GRIP1: variants seen among roughly 807,000 people sequenced by gnomAD.
GRIP1 encodes glutamate receptor-interacting protein 1.
A neutral mutation model predicts 129.9 loss-of-function variants in GRIP1; 45 were observed. That is an observed-to-expected ratio of 0.35 (90% CI 0.27 to 0.44). The LOEUF is 0.44. Among genes scored for constraint, GRIP1 ranks in the 20% least tolerant of loss-of-function variants. The probability of loss-of-function intolerance (pLI) is 1.00; values close to 1 mark genes in which losing one functional copy is unlikely to be tolerated. For missense variants in GRIP1, 1,196 were observed against 1,396.8 expected, an observed-to-expected ratio of 0.86 and a Z score of 2.29; for synonymous variants, 530 against 520.8, an observed-to-expected ratio of 1.02 and a Z score of -0.24.
intron 2 of GRIP1, among the ~76,000 whole-genome samples, chr12:66,574,283 G>T (rs76694984): frequency 0.017 from 2,594 of 152,272 alleles, 69 homozygotes; most frequent in African/African-American, 0.059. Flanking sequence ...AATTATCCAG[G>T]TAATAAACAA....
intron 1 of GRIP1, among the ~76,000 whole-genome samples, chr12:66,940,207 A>G (rs1385792856): frequency 6.6e-6 from 1 of 152,148 alleles, no homozygotes; most frequent in Non-Finnish European, 1.5e-5. Flanking sequence ...GGTCATTCAA[A>G]TAACAGAAAT....
At chr12:66,857,897 A>C (rs1454558764) in intron 1 of GRIP1, among the ~76,000 whole-genome samples, 2 of 152,016 alleles carry the variant, frequency 1.3e-5, no homozygotes, top group Non-Finnish European at 1.5e-5. Context: ...GAGATGATGG[A>C]GTGTCTGAAA....
intron 1 of GRIP1, among the ~76,000 whole-genome samples, chr12:66,738,211 CTTTTTCTTTTT>C (rs1337586351): frequency 4.7e-5 from 7 of 150,068 alleles, no homozygotes; most frequent in East Asian, 1.9e-4. Context: ...ATAGATTTCT[CTTTTTCTTTTT>C]TTTTTCTTTT....
intron 1 of GRIP1, among the ~76,000 whole-genome samples, chr12:66,676,021 T>A (rs563070305): frequency 6.6e-6 from 1 of 152,206 alleles, no homozygotes; most frequent in African/African-American, 2.4e-5. Flanking sequence ...TGTGGATCAG[T>A]GTCTATGTGG....
At chr12:66,818,916 GTTA>G (rs1268382075) in intron 1 of GRIP1, among the ~76,000 whole-genome samples, 1 of 152,144 alleles carries the variant, frequency 6.6e-6, no homozygotes, top group Non-Finnish European at 1.5e-5. Flanking sequence ...TTGGTTTACT[GTTA>G]TTTTCTGCAA....
At chr12:66,767,990 C>T (rs2037699654) in intron 1 of GRIP1, among the ~76,000 whole-genome samples, 1 of 152,168 alleles carries the variant, frequency 6.6e-6, no homozygotes, top group African/African-American at 2.4e-5. Context: ...GTATATGCTG[C>T]AGGCTTATGA....
chr12:66,531,205 C>A (rs1344431622), intron 4 of GRIP1, among the ~76,000 whole-genome samples: 1 of 142,500 alleles, frequency 7.0e-6, no homozygotes, highest in African/African-American at 2.6e-5. Context: ...CACTGCACTC[C>A]AGCCTGGGTG....
At chr12:66,626,509 C>T (rs537141895) in intron 1 of GRIP1, 2 of 152,152 alleles carry the variant, frequency 1.3e-5, no homozygotes, top group South Asian at 2.1e-4. Flanking sequence ...ACTGAGGAAA[C>T]ATTTCTTAAA....
intron 7 of GRIP1, among the ~76,000 whole-genome samples, chr12:66,477,949 A>T (rs1308991811): frequency 6.7e-6 from 1 of 150,334 alleles, no homozygotes; most frequent in African/African-American, 2.5e-5. Flanking sequence ...AGGCAATACC[A>T]TTCAAGACAT....
At chr12:66,514,337 C>T (rs1296298491) in intron 7 of GRIP1, among the ~76,000 whole-genome samples, 3 of 152,114 alleles carry the variant, frequency 2.0e-5, no homozygotes, top group African/African-American at 7.2e-5. Context: ...AAAATATACC[C>T]TACTTATGTA....
At chr12:66,499,212 T>C (rs778882266) in intron 7 of GRIP1, among the ~76,000 whole-genome samples, 4 of 152,228 alleles carry the variant, frequency 2.6e-5, no homozygotes, top group East Asian at 1.9e-4. Flanking sequence ...GTGGAAGTCA[T>C]GTGGATTCTT....
chr12:66,526,612 G>T lies in GRIP1; in HGVS notation c.502+3219C>A, dbSNP rs368407912. On this transcript the variant is annotated intron_variant, in intron 5 of 24. Transcript: ENST00000359742. ...CCTAGGCAATATCATTCAGGACATA[G>T]GCATGGGCAAGGACTTCATGTCTAA... Among the ~76,000 whole-genome samples the T allele has an allele frequency of 3.0e-4, 45 of 152,186 alleles. No homozygotes were observed. The East Asian group carries it at 8.5e-3, about 29-fold the overall frequency.
At chr12:66,840,450 G>T (rs1412802059) in intron 1 of GRIP1, among the ~76,000 whole-genome samples, 2 of 152,068 alleles carry the variant, frequency 1.3e-5, no homozygotes, top group African/African-American at 4.8e-5. Flanking sequence ...TTTTAAAAAA[G>T]AAATATTTGT....
chr12:66,572,912 A>C (rs2063012179), intron 2 of GRIP1, among the ~76,000 whole-genome samples: 1 of 152,086 alleles, frequency 6.6e-6, no homozygotes, highest in African/African-American at 2.4e-5. Flanking sequence ...ACAGTTCTCT[A>C]TGATCCTTAA....
At chr12:66,487,161 G>A (rs1219961823) in intron 7 of GRIP1, among the ~76,000 whole-genome samples, 1 of 152,004 alleles carries the variant, frequency 6.6e-6, no homozygotes, top group African/African-American at 2.4e-5. Flanking sequence ...TACCATCATG[G>A]CCCTCATTGC....
At chr12:66,935,696 CA>C (rs1186614849) in intron 1 of GRIP1, among the ~76,000 whole-genome samples, 1 of 152,030 alleles carries the variant, frequency 6.6e-6, no homozygotes, top group East Asian at 1.9e-4. Flanking sequence ...GCCTTATGGT[CA>C]GAACAAATTT....
intron 1 of GRIP1, among the ~76,000 whole-genome samples, chr12:66,802,018 T>G (rs1279313130): frequency 6.6e-6 from 1 of 152,174 alleles, no homozygotes; most frequent in African/African-American, 2.4e-5. Context: ...TCGGTCTCAC[T>G]CTTTAATGCT....
upstream of GRIP1, among the ~76,000 whole-genome samples, chr12:66,682,595 C>G (rs997292951): frequency 2.6e-5 from 4 of 152,104 alleles, no homozygotes; most frequent in African/African-American, 9.7e-5. Context: ...TAATCTTATT[C>G]TAATTTTCTC....
In GRIP1 at chr12:66,656,103, G is replaced by A. The variant is rs369616776; in HGVS notation, c.55+22747C>T. Among the ~76,000 whole-genome samples the A allele has an allele frequency of 7.2e-4, 110 of 152,180 alleles. 3 individuals are homozygous for A. The South Asian group carries it at 0.023, about 31-fold the overall frequency. Reference sequence around the variant, plus strand: ...CTCCAGGCATCCAATAGACTCTGAGGTTTTTGAGAGCAATGAGCCTGTCTC... The same window carrying A: ...CTCCAGGCATCCAATAGACTCTGAGATTTTTGAGAGCAATGAGCCTGTCTC... On this transcript the variant is annotated intron_variant, in intron 1 of 24. Coordinates refer to ENST00000359742, the MANE Select transcript of GRIP1 (RefSeq NM_001366722.1).
Sources: gnomAD v4.1 joint callset for allele counts (sites outside exome capture counted in the v4.1 genomes callset) on GRCh38, gnomAD v4.1.1 for gene constraint, MANE v1.5 for transcripts, NCBI Gene and HGNC (gene_info 2026-07-23, HGNC 2026-07-21) for gene names.